The following TPI1 variants were observed in gnomAD, a reference collection of about 807,000 sequenced individuals.
The protein encoded by TPI1 is triosephosphate isomerase 1, also known as triosephosphate isomerase.
A neutral mutation model predicts 31.0 loss-of-function variants in TPI1; 11 were observed. That is an observed-to-expected ratio of 0.36 (90% CI 0.22 to 0.59). TPI1 has a LOEUF of 0.59. Among genes scored for constraint, TPI1 ranks in the 20% least tolerant of loss-of-function variants. The pLI is 0.79. For synonymous variants in TPI1, 121 were observed against 122.8 expected, an observed-to-expected ratio of 0.99 and a Z score of 0.10; for missense variants, 245 against 319.7, an observed-to-expected ratio of 0.77 and a Z score of 1.78.
At position 6,870,640 on chromosome 12, in the gene TPI1, G is replaced by C. The variant is rs782165017; in HGVS notation, c.*257G>C. The C allele has an allele frequency of 3.1e-6, 2 of 654,262 alleles. No homozygotes were observed. The highest frequency in any genetic ancestry group is 5.8e-6 in the Non-Finnish European group (2 of 347,822). 40.5% of individuals were successfully genotyped at this position (654,262 alleles called of 1,614,324 possible). A position where few individuals can be genotyped will look rare whatever the true frequency, so the allele number is the denominator to read the frequency against. On this transcript the variant is annotated 3_prime_UTR_variant, in exon 7 of 7. Coordinates refer to ENST00000396705, the MANE Select transcript of TPI1 (RefSeq NM_000365.6). ...GCTTCTCCTTGGCTGAGAGATGGAA[G>C]GCGTGGTGGGATTTGCTCCTGGGTT...
chr12:6,868,838 C>T (rs1361718490), intron 1 of TPI1, 26 bp from the exon 2 acceptor site: 4 of 1,607,104 alleles, frequency 2.5e-6, no homozygotes, highest in East Asian at 2.2e-5. Flanking sequence ...TAGTCTCATC[C>T]CCCTGTGGTA....
chr12:6,870,215 G>A (rs1555132550), intron 6 of TPI1, 50 bp from the exon 7 acceptor site: 1 of 1,603,960 alleles, frequency 6.2e-7, no homozygotes, highest in African/African-American at 1.3e-5. Context: ...GTGGGGATGG[G>A]GCAGACTCAT....
At chr12:6,869,801 A>C (rs369734826) in intron 5 of TPI1, 28 bp downstream of exon 5, 420 of 1,612,316 alleles carry the variant, frequency 2.6e-4, no homozygotes, top group Middle Eastern at 5.0e-4. Flanking sequence ...CCCTGCCCTC[A>C]TCCCAGCCTG....
In TPI1 at chr12:6,867,648, A is replaced by ACT; in HGVS notation, c.85_86dup (p.Asn30Ter). On this transcript the variant is annotated frameshift_variant, in exon 1 of 7. Transcript: ENST00000396705. LOFTEE classifies it high-confidence loss of function. The stretch of plus-strand genomic sequence containing the variant: ...GCAGAGTCTGGGGGAGCTCATCGGC[A>ACT]CTCTGAACGCGGCCAAGGTGCCGGC... 1.9e-6 allele frequency: 3 copies of ACT among 1,610,698 alleles called. No homozygotes were observed. Among genetic ancestry groups the ACT allele is most frequent in the Non-Finnish European group, 1.7e-6 (2 of 1,179,024 alleles).
rs782457320 is a variant in TPI1, at chr12:6,869,244, CTG to C, written c.325-12_325-11del. 1.2e-4 allele frequency: 194 copies of C among 1,614,002 alleles called. No individual in the cohort carries two copies. Among genetic ancestry groups the C allele is most frequent in the Non-Finnish European group, 1.6e-4 (185 of 1,179,978 alleles). ...TTCCAAGAAGGATGTCTCACCAAGT[CTG>C]TTTCTCAACAGCTGATTGGGCAGAA... is the stretch of plus-strand genomic sequence containing the variant. On this transcript the variant is annotated splice_polypyrimidine_tract_variant and intron_variant, in intron 3 of 6. Transcript: ENST00000396705.
Position 6,870,795 on chromosome 12 carries a change from A to G in TPI1, c.*412A>G. ...CCGTGCCTCTGTGCTGTGTATGTGA[A>G]CCACCCATGTGAGGGAATAAACCTG... On this transcript the variant is annotated 3_prime_UTR_variant, in exon 7 of 7. Transcript: ENST00000396705. 1 of 512,866 alleles carries G rather than the reference A, an allele frequency of 1.9e-6. No individual in the cohort carries two copies. The highest frequency in any genetic ancestry group is 1.5e-5 in the South Asian group (1 of 65,136). 31.8% of individuals were successfully genotyped at this position (512,866 alleles called of 1,614,324 possible). A position where few individuals can be genotyped will look rare whatever the true frequency, so the allele number is the denominator to read the frequency against.
chr12:6,868,021 C>CG (rs1944496220), intron 1 of TPI1: 2 of 1,195,036 alleles, frequency 1.7e-6, no homozygotes, highest in Non-Finnish European at 2.1e-6. Flanking sequence ...TGCGGGAGAC[C>CG]GGGGGAGGCT....
chr12:6,869,467 T>TAG lies in TPI1; in HGVS notation c.457+77_457+78insAG, dbSNP rs1944535362. 7 of 1,604,728 alleles carry TAG rather than the reference T, an allele frequency of 4.4e-6. No homozygotes were observed. In the Middle Eastern group the frequency reaches 5.0e-4, roughly 115 times the overall value. The stretch of plus-strand genomic sequence containing the variant: ...GAGGGTAGGGTCAGGCCCTGGAGCC[T>TAG]GTCTTGGTCCCCATGCTGATCCAGA... On this transcript the variant is annotated intron_variant, in intron 4 of 6. Coordinates refer to ENST00000396705, the MANE Select transcript of TPI1 (RefSeq NM_000365.6).
chr12:6,867,478 C>A, upstream of TPI1: 2 of 1,534,196 alleles, frequency 1.3e-6, no homozygotes, highest in Non-Finnish European at 1.8e-6. Flanking sequence ...GGCGAGGAGG[C>A]GGAGTTCCAC....
Position 6,870,149 on chromosome 12 carries a change from G to A in TPI1, c.631+13G>A, listed in dbSNP as rs60115912. 6,760 of 1,613,402 alleles carry A rather than the reference G, an allele frequency of 4.2e-3. 240 individuals carry two copies. The African/African-American group carries it at 0.079, about 19-fold the overall frequency. On this transcript the variant is annotated intron_variant, in intron 6 of 6. Transcript: ENST00000396705. ...ATCATTTATGGAGGTGAGTGGCTTT[G>A]GTTCCCGGCTGAGGTGGAGTGGGCT...
At chr12:6,869,028 C>CA (rs1555132098) in intron 2 of TPI1, 41 bp downstream of exon 2, 1 of 1,614,136 alleles carries the variant, frequency 6.2e-7, no homozygotes, top group East Asian at 2.2e-5. Flanking sequence ...ACCCTTCCCT[C>CA]ACTTTCCTCG....
At chr12:6,869,430 C>T (rs782360081) in intron 4 of TPI1, 40 bp downstream of exon 4, 4 of 1,613,390 alleles carry the variant, frequency 2.5e-6, no homozygotes, top group South Asian at 2.2e-5. Context: ...TATCCAGGGC[C>T]ACAGAGACTC....
rs1555132270 is a variant in TPI1 at position 6,869,403 on chromosome 12, A to G, written c.457+13A>G. On this transcript the variant is annotated intron_variant, in intron 4 of 6. Transcript: ENST00000396705. ...AAGGTCATCGCAGGTATCTCTGGAG[A>G]AAGGGACCTTTGAGCCTATCCAGGG... 6.2e-7 allele frequency: 1 copy of G among 1,613,946 alleles called. No individual in the cohort carries two copies. The highest frequency in any genetic ancestry group is 1.3e-5 in the African/African-American group (1 of 75,014).
rs1555132071 is a variant in TPI1 at position 6,868,939 on chromosome 12, C to G, written c.191C>G (p.Ala64Gly). The G allele has an allele frequency of 6.2e-7, 1 of 1,614,142 alleles. No homozygotes were observed. The highest frequency in any genetic ancestry group is 8.5e-7 in the Non-Finnish European group (1 of 1,180,028). ...CTAGATCCCAAGATTGCTGTGGCTGCGCAGAACTGCTACAAAGTGACTAAT... is the reference window on the plus strand; with the variant it reads ...CTAGATCCCAAGATTGCTGTGGCTGGGCAGAACTGCTACAAAGTGACTAAT... ...QKLDPKIAVA[A>G]QNCYKVTNGA... is the part of the protein sequence containing the mutation. The change falls in exon 2 of 7, where the codon GCG (alanine) becomes GGG (glycine). Residue 64 changes from alanine to glycine, a missense_variant. Around this residue, in one of 3 missense-constraint regions of TPI1, gnomAD observed 95 missense variants for 96.4 expected, o/e 0.99. Coordinates refer to ENST00000396705, the MANE Select transcript of TPI1 (RefSeq NM_000365.6).
At chr12:6,868,794 C>T (rs1334226597) in intron 1 of TPI1, 70 bp from the exon 2 acceptor site, 1 of 1,562,636 alleles carries the variant, frequency 6.4e-7, no homozygotes, top group Non-Finnish European at 8.7e-7. Context: ...CTCCAGGGCA[C>T]TGGTTAGGAA....
In TPI1 at chr12:6,869,304, T is replaced by C. The variant is rs782410070; in HGVS notation, c.371T>C (p.Val124Ala). Residue 124 changes from valine to alanine, a missense_variant, in exon 4 of 7, where the codon GTA becomes GCA. Val to Ala is a moderately conservative substitution (Grantham distance 64). This residue lies in a region of TPI1 where 127 missense variants were observed against 163.7 expected (regional missense o/e 0.78). Transcript: ENST00000396705. Reference sequence around the variant, plus strand: ...CATGCTCTGGCAGAGGGACTCGGAGTAATCGCCTGCATTGGGGAGAAGCTA... The same window carrying C: ...CATGCTCTGGCAGAGGGACTCGGAGCAATCGCCTGCATTGGGGAGAAGCTA... Reference protein sequence around the residue: ...VAHALAEGLGVIACIGEKLDE... With the variant: ...VAHALAEGLGAIACIGEKLDE... 1.2e-6 allele frequency: 2 copies of C among 1,613,896 alleles called. No homozygotes were observed. The highest frequency in any genetic ancestry group is 2.2e-5 in the South Asian group (2 of 91,068).
chr12:6,869,548 A>G, intron 4 of TPI1, 140 bp from the exon 5 acceptor site: 1 of 1,468,430 alleles, frequency 6.8e-7, no homozygotes, highest in South Asian at 1.1e-5. Flanking sequence ...TGACTTCTCC[A>G]GCCCCAAGGT....
At position 6,867,543 on chromosome 12, in the gene TPI1, C is replaced by G. The variant is rs781876590; in HGVS notation, c.-24C>G. 102 of 1,609,722 alleles carry G rather than the reference C, an allele frequency of 6.3e-5. No homozygotes were observed. Among genetic ancestry groups the G allele is most frequent in the South Asian group, 5.7e-4 (52 of 90,632 alleles). ...GCCGCGACTGCGCGCAGACACTGAC[C>G]TTCAGCGCCTCGGCTCCAGCGCCAT... is the stretch of plus-strand genomic sequence containing the variant. On this transcript the variant is annotated 5_prime_UTR_variant, in exon 1 of 7. Coordinates refer to ENST00000396705, the MANE Select transcript of TPI1 (RefSeq NM_000365.6).
chr12:6,867,805 G>A lies in TPI1; in HGVS notation c.115+124G>A, dbSNP rs1053964755. ...ATCCGCGCGGACCTGATGCAGGGCT[G>A]TGGGACGAGGGCCGCTGGGGTCCGG... On this transcript the variant is annotated intron_variant, in intron 1 of 6. Coordinates refer to ENST00000396705, the MANE Select transcript of TPI1 (RefSeq NM_000365.6). 4.6e-5 allele frequency: 50 copies of A among 1,075,584 alleles called. No homozygotes were observed. The African/African-American group carries it at 6.8e-4, about 15-fold the overall frequency. 66.6% of individuals were successfully genotyped at this position (1,075,584 alleles called of 1,614,324 possible). A position where few individuals can be genotyped will look rare whatever the true frequency, so the allele number is the denominator to read the frequency against.
Sources: gnomAD v4.1 joint callset for allele counts on GRCh38, gnomAD v4.1.1 for gene constraint, gnomAD v4.1.1 regional missense constraint, MANE v1.5 for transcripts, NCBI Gene and HGNC (gene_info 2026-07-23, HGNC 2026-07-21) for gene names.